GCLM: variants seen among roughly 807,000 people sequenced by gnomAD.
GCLM encodes glutamate--cysteine ligase regulatory subunit.
Under a neutral mutation model 36.0 loss-of-function variants are expected in GCLM, and 15 were observed. That is an observed-to-expected ratio of 0.42 (90% CI 0.28 to 0.64). The LOEUF (loss-of-function observed/expected upper bound fraction) is 0.64, where lower values mean the gene tolerates loss of function less well. Ranked by LOEUF, GCLM falls within the 30% of genes least tolerant of loss-of-function variation. The pLI is 0.25. For missense variants in GCLM, 242 were observed against 325.5 expected, an observed-to-expected ratio of 0.74 and a Z score of 1.97; for synonymous variants, 129 against 122.8, an observed-to-expected ratio of 1.05 and a Z score of -0.34.
At chr1:93,900,397 A>T (rs953929775) in intron 3 of GCLM, among the ~76,000 whole-genome samples, 1 of 152,204 alleles carries the variant, frequency 6.6e-6, no homozygotes, top group African/African-American at 2.4e-5. Context: ...GATGGAACTA[A>T]ATCATGAATT....
intron 6 of GCLM, among the ~76,000 whole-genome samples, chr1:93,892,854 T>C (rs1163225423): frequency 6.6e-6 from 1 of 152,120 alleles, no homozygotes; most frequent in Non-Finnish European, 1.5e-5. Context: ...ACAGGCTGGA[T>C]CATCAGCTGT....
chr1:93,899,062 G>A (rs185510249), intron 3 of GCLM, among the ~76,000 whole-genome samples: 37 of 151,714 alleles, frequency 2.4e-4, no homozygotes, highest in Admixed American at 2.2e-3. Flanking sequence ...GGCCTTGAAC[G>A]TATTCTATGT....
At chr1:93,890,285 T>C (rs1656486605) in intron 6 of GCLM, among the ~76,000 whole-genome samples, 1 of 152,114 alleles carries the variant, frequency 6.6e-6, no homozygotes. Context: ...AGAAGGACTA[T>C]ATATATATTA....
chr1:93,901,678 A>T lies in GCLM; in HGVS notation c.193-9T>A. 1.5e-6 allele frequency: 2 copies of T among 1,334,706 alleles called. No homozygotes were observed. The highest frequency in any genetic ancestry group is 2.5e-5 in the South Asian group (2 of 79,608). 82.7% of individuals were successfully genotyped at this position (1,334,706 alleles called of 1,614,324 possible). A position where few individuals can be genotyped will look rare whatever the true frequency, so the allele number is the denominator to read the frequency against. On this transcript the variant is annotated splice_polypyrimidine_tract_variant and intron_variant, in intron 2 of 6. Coordinates refer to ENST00000370238, the MANE Select transcript of GCLM (RefSeq NM_002061.4). ...AAGACATCTGGAAACTCCTATAATA[A>T]ACACAATATTTAAAACAAATATAAA... is the stretch of plus-strand genomic sequence containing the variant.
At chr1:93,905,237 T>C (rs1657107130) in intron 1 of GCLM, among the ~76,000 whole-genome samples, 1 of 150,904 alleles carries the variant, frequency 6.6e-6, no homozygotes, top group Non-Finnish European at 1.5e-5. Flanking sequence ...ACAAAGGAAC[T>C]TGGAGTCAAG....
chr1:93,892,686 T>G (rs985347901), intron 6 of GCLM, among the ~76,000 whole-genome samples: 2 of 152,218 alleles, frequency 1.3e-5, no homozygotes, highest in Non-Finnish European at 2.9e-5. Context: ...CATATACATA[T>G]GCAATATATT....
chr1:93,898,835 G>A (rs979205352), intron 3 of GCLM, among the ~76,000 whole-genome samples: 3 of 151,922 alleles, frequency 2.0e-5, no homozygotes, highest in African/African-American at 7.3e-5. Flanking sequence ...TGTTGCCCAG[G>A]GGCTCTTGAA....
At chr1:93,895,897 A>T (rs1035863117) in intron 5 of GCLM, among the ~76,000 whole-genome samples, 4 of 151,946 alleles carry the variant, frequency 2.6e-5, no homozygotes, top group Non-Finnish European at 1.5e-5. Flanking sequence ...TATATAAAAT[A>T]TTCCCTTACT....
intron 5 of GCLM, among the ~76,000 whole-genome samples, chr1:93,896,111 C>A (rs1051970205): frequency 6.7e-6 from 1 of 149,022 alleles, no homozygotes; most frequent in Non-Finnish European, 1.5e-5. Flanking sequence ...TACAGGTGCA[C>A]GCCACCATGC....
At chr1:93,904,403 C>A (rs1453638290) in intron 2 of GCLM, 120 bp downstream of exon 2, 6 of 707,440 alleles carry the variant, frequency 8.5e-6, no homozygotes, top group Non-Finnish European at 1.0e-5. Context: ...GCAAATCAAC[C>A]ACAGAGAGTT....
In GCLM at chr1:93,909,247, CGAGGCCCGAGA is replaced by C; in HGVS notation, c.-95_-85del. 1 of 1,097,372 alleles carries C rather than the reference CGAGGCCCGAGA, an allele frequency of 9.1e-7. No homozygotes were observed. Among genetic ancestry groups the C allele is most frequent in the Non-Finnish European group, 1.1e-6 (1 of 904,876 alleles). The allele number at this position is 1,097,372 out of a possible 1,614,324, so 68.0% of individuals were successfully genotyped here. A position where few individuals can be genotyped will look rare whatever the true frequency, so the allele number is the denominator to read the frequency against. On this transcript the variant is annotated 5_prime_UTR_variant, in exon 1 of 7. Transcript: ENST00000370238. ...CGGCCGCCCCACAGGACGCGGTGCC[CGAGGCCCGAGA>C]GAGACCCGAGAGGGAGCGCGAGGCT...
In GCLM at chr1:93,897,824, TCA is replaced by T; in HGVS notation, c.337+13_337+14del. The T allele has an allele frequency of 6.9e-7, 1 of 1,447,202 alleles. No individual in the cohort carries two copies. Among genetic ancestry groups the T allele is most frequent in the Non-Finnish European group, 9.4e-7 (1 of 1,063,244 alleles). 89.6% of individuals were successfully genotyped at this position (1,447,202 alleles called of 1,614,324 possible). ...AAAGTCCACTATTAAGATAAAAAAT[TCA>T]GTTTTTGCTTACCCATGTCAACTGC... On this transcript the variant is annotated intron_variant, in intron 4 of 6. Transcript: ENST00000370238.
chr1:93,900,845 T>C (rs1465134857), intron 3 of GCLM, among the ~76,000 whole-genome samples: 1 of 152,182 alleles, frequency 6.6e-6, no homozygotes, highest in East Asian at 1.9e-4. Context: ...AGGCAAACAC[T>C]GTGCTAAGTG....
chr1:93,894,563 T>C (rs748408461), intron 6 of GCLM, 51 bp downstream of exon 6: 1 of 973,366 alleles, frequency 1.0e-6, no homozygotes, highest in South Asian at 1.3e-5. Context: ...AATACCTTTT[T>C]GTAAGACAAA....
intron 2 of GCLM, among the ~76,000 whole-genome samples, chr1:93,903,831 G>T (rs1210910479): frequency 6.6e-6 from 1 of 152,102 alleles, no homozygotes; most frequent in Non-Finnish European, 1.5e-5. Flanking sequence ...TTCACAGCAC[G>T]TATCAGGGGT....
At chr1:93,907,643 G>T (rs1032038013) in intron 1 of GCLM, among the ~76,000 whole-genome samples, 5 of 152,068 alleles carry the variant, frequency 3.3e-5, no homozygotes, top group African/African-American at 1.2e-4. Flanking sequence ...CAACAGTACT[G>T]GAAGAAATTA....
intron 1 of GCLM, 117 bp downstream of exon 1, chr1:93,908,921 G>T: frequency 1.2e-6 from 1 of 814,310 alleles, no homozygotes; most frequent in Non-Finnish European, 1.7e-6. Context: ...CGGAGCCCAG[G>T]TGCGCGCGAG....
intron 6 of GCLM, among the ~76,000 whole-genome samples, chr1:93,890,745 C>T (rs1339643372): frequency 6.6e-6 from 1 of 152,060 alleles, no homozygotes; most frequent in Non-Finnish European, 1.5e-5. Context: ...AATGAAGGGC[C>T]AAAGTACAAG....
intron 3 of GCLM, among the ~76,000 whole-genome samples, chr1:93,898,741 C>T (rs1165896874): frequency 1.3e-5 from 2 of 152,108 alleles, no homozygotes; most frequent in African/African-American, 4.8e-5. Flanking sequence ...CCTTTCACCT[C>T]AGCCTCCCAA....
Sources: allele counts gnomAD v4.1 joint callset (sites outside exome capture counted in the v4.1 genomes callset), GRCh38; gene constraint gnomAD v4.1.1; transcripts MANE v1.5; gene names NCBI Gene and HGNC (gene_info 2026-07-23, HGNC 2026-07-21).